GNA12: variants seen among roughly 807,000 people sequenced by gnomAD.
GNA12 encodes guanine nucleotide-binding protein subunit alpha-12.
Under a neutral mutation model 26.0 loss-of-function variants are expected in GNA12, and 9 were observed. The observed-to-expected ratio is 0.35, with a 90% CI of 0.21 to 0.60. GNA12 has a LOEUF of 0.60. Among genes scored for constraint, GNA12 ranks in the 20% least tolerant of loss-of-function variants. GNA12 has a pLI of 0.78. For synonymous variants in GNA12, 264 were observed against 219.6 expected, an observed-to-expected ratio of 1.20 and a Z score of -1.79; for missense variants, 405 against 525.8, an observed-to-expected ratio of 0.77 and a Z score of 2.25.
intron 2 of GNA12, among the ~76,000 whole-genome samples, chr7:2,781,412 CTGTGTGTGTGTGTGTGTGTGTG>C (rs58348546): frequency 2.8e-5 from 4 of 143,722 alleles, no homozygotes; most frequent in African/African-American, 5.1e-5. Flanking sequence ...AAGTAAGTGT[CTGTGTGTGTGTGTGTGTGTGTG>C]TGTGTGTGTG....
chr7:2,814,957 C>G (rs780192085), intron 1 of GNA12: 1 of 1,568,084 alleles, frequency 6.4e-7, no homozygotes, highest in East Asian at 2.4e-5. Context: ...ACAGTAGGCG[C>G]TCTGCACTCG....
chr7:2,814,066 T>A (rs1272665695), intron 1 of GNA12, among the ~76,000 whole-genome samples: 2 of 152,158 alleles, frequency 1.3e-5, no homozygotes, highest in Admixed American at 6.5e-5. Context: ...ATGTCCACCA[T>A]CGGCTGCCCA....
chr7:2,767,697 C>T lies in GNA12; in HGVS notation c.525+27231G>A, dbSNP rs1791841530. 5.9e-5 allele frequency among the ~76,000 whole-genome samples: 9 copies of T among 152,222 alleles called. No individual in the cohort carries two copies. In the South Asian group the frequency reaches 1.9e-3, roughly 32 times the overall value. ...CTCCTAACCTTTAAACCCTTAGCAC[C>T]AGATATATTTTGGAATTCAGAAACT... is the stretch of plus-strand genomic sequence containing the variant. On this transcript the variant is annotated intron_variant, in intron 2 of 3. Transcript: ENST00000275364.
intron 2 of GNA12, among the ~76,000 whole-genome samples, chr7:2,782,610 T>C (rs1465228749): frequency 6.6e-6 from 1 of 152,190 alleles, no homozygotes; most frequent in Admixed American, 6.5e-5. Context: ...AAGATTTTCC[T>C]CTTTGTGTTT....
intron 1 of GNA12, among the ~76,000 whole-genome samples, chr7:2,827,590 C>G (rs1306865609): frequency 6.6e-6 from 1 of 152,122 alleles, no homozygotes; most frequent in Non-Finnish European, 1.5e-5. Context: ...ACGCTGAGGA[C>G]AGTGGGGCTG....
At chr7:2,762,949 C>T in intron 2 of GNA12, 1 of 1,374,322 alleles carries the variant, frequency 7.3e-7, no homozygotes. Context: ...CCCGTGGGGC[C>T]CGTGCCAGGG....
At chr7:2,820,695 TC>T (rs1415422912) in intron 1 of GNA12, among the ~76,000 whole-genome samples, 1 of 152,236 alleles carries the variant, frequency 6.6e-6, no homozygotes, top group Non-Finnish European at 1.5e-5. Flanking sequence ...CACCCTGGCC[TC>T]TGCCCTGTAA....
intron 2 of GNA12, among the ~76,000 whole-genome samples, chr7:2,781,731 A>G (rs1792235513): frequency 6.6e-6 from 1 of 152,136 alleles, no homozygotes; most frequent in Admixed American, 6.6e-5. Flanking sequence ...AAAATAAGCT[A>G]CATGAAATTT....
intron 1 of GNA12, chr7:2,815,113 A>C: frequency 3.1e-6 from 3 of 960,866 alleles, no homozygotes; most frequent in Non-Finnish European, 3.0e-6. Context: ...CCTTGCCCGC[A>C]TGAGGCTTCC....
chr7:2,834,888 C>T (rs1228375286), intron 1 of GNA12, among the ~76,000 whole-genome samples: 1 of 152,112 alleles, frequency 6.6e-6, no homozygotes, highest in African/African-American at 2.4e-5. Flanking sequence ...AGGATGTTTG[C>T]GTAAGAACCT....
At chr7:2,803,821 C>CA (rs1265457454) in intron 1 of GNA12, among the ~76,000 whole-genome samples, 1 of 150,372 alleles carries the variant, frequency 6.7e-6, no homozygotes, top group South Asian at 2.1e-4. Context: ...AACAAACAAA[C>CA]AAAAAAACAA....
chr7:2,777,775 T>C lies in GNA12; in HGVS notation c.525+17153A>G, dbSNP rs189326785. 2.8e-3 allele frequency among the ~76,000 whole-genome samples: 433 copies of C among 152,340 alleles called. 2 individuals carry two copies. Among genetic ancestry groups the C allele is most frequent in the Non-Finnish European group, 3.8e-3 (257 of 68,030 alleles). On this transcript the variant is annotated intron_variant, in intron 2 of 3. Coordinates refer to ENST00000275364, the MANE Select transcript of GNA12 (RefSeq NM_007353.3). Reference sequence around the variant, plus strand: ...AGCCACACAGTGTGTGGAACTGTTATGGCAGCTCCAGCTAAGACAGAAAAC... The same window carrying C: ...AGCCACACAGTGTGTGGAACTGTTACGGCAGCTCCAGCTAAGACAGAAAAC...
intron 1 of GNA12, among the ~76,000 whole-genome samples, chr7:2,832,855 G>A (rs923126018): frequency 1.3e-5 from 2 of 152,146 alleles, no homozygotes; most frequent in African/African-American, 4.8e-5. Context: ...CTGCTTGCAA[G>A]AGCTCCCACC....
intron 2 of GNA12, among the ~76,000 whole-genome samples, chr7:2,764,093 C>G (rs894915639): frequency 6.6e-6 from 1 of 152,090 alleles, no homozygotes; most frequent in Non-Finnish European, 1.5e-5. Flanking sequence ...GGTTTTGAGA[C>G]AGGGTCTCAC....
chr7:2,744,373 T>C (rs1790663807), intron 2 of GNA12, among the ~76,000 whole-genome samples: 1 of 152,200 alleles, frequency 6.6e-6, no homozygotes, highest in African/African-American at 2.4e-5. Context: ...ATATCCGCTG[T>C]TCTGCAGCCA....
rs185766553 is a variant in GNA12 at position 2,742,147 on chromosome 7, G to A, written c.526-8646C>T. On this transcript the variant is annotated intron_variant, in intron 2 of 3. Coordinates refer to ENST00000275364, the MANE Select transcript of GNA12 (RefSeq NM_007353.3). Reference sequence around the variant, plus strand: ...AGAGATTCTCCTGCCTCAGCCACCCGAGTAGCTGGGATTACAGAGGTGCAC... The same window carrying A: ...AGAGATTCTCCTGCCTCAGCCACCCAAGTAGCTGGGATTACAGAGGTGCAC... Among the ~76,000 whole-genome samples, 42 of 151,862 alleles carry A rather than the reference G, an allele frequency of 2.8e-4. No individual in the cohort carries two copies. In the East Asian group the frequency reaches 6.6e-3, roughly 24 times the overall value.
chr7:2,776,440 G>A (rs1004443336), intron 2 of GNA12, among the ~76,000 whole-genome samples: 3 of 152,202 alleles, frequency 2.0e-5, no homozygotes, highest in African/African-American at 7.2e-5. Context: ...CATCCTCCTC[G>A]GAGTGAGTCT....
At chr7:2,746,996 A>C (rs1407061767) in intron 2 of GNA12, among the ~76,000 whole-genome samples, 2 of 152,234 alleles carry the variant, frequency 1.3e-5, no homozygotes, top group African/African-American at 4.8e-5. Flanking sequence ...GAATAGACCA[A>C]TAACAGGCTC....
Position 2,737,269 on chromosome 7 carries a change from G to GTTTTTTTTTTTTTTTTTTTTT in GNA12, c.526-3769_526-3768insAAAAAAAAAAAAAAAAAAAAA, listed in dbSNP as rs1317020597. Among the ~76,000 whole-genome samples the GTTTTTTTTTTTTTTTTTTTTT allele has an allele frequency of 1.0e-4, 4 of 38,120 alleles. 1 individual carries two copies. The highest frequency in any genetic ancestry group is 1.9e-4 in the African/African-American group (2 of 10,700). The allele number at this position is 38,120 out of a possible 152,430, so 25.0% of individuals were successfully genotyped here. Reference sequence around the variant, plus strand: ...CATTCAGGAGCTATCTCACAGTTTTGTTTTGTTTTTTTTTTTTTTGTTTTT... The same window carrying GTTTTTTTTTTTTTTTTTTTTT: ...CATTCAGGAGCTATCTCACAGTTTTGTTTTTTTTTTTTTTTTTTTTTTTTTGTTTTTTTTTTTTTTGTTTTT... On this transcript the variant is annotated intron_variant, in intron 2 of 3. Coordinates refer to ENST00000275364, the MANE Select transcript of GNA12 (RefSeq NM_007353.3).
Sources: gnomAD v4.1 joint callset for allele counts (sites outside exome capture counted in the v4.1 genomes callset) on GRCh38, gnomAD v4.1.1 for gene constraint, MANE v1.5 for transcripts, NCBI Gene and HGNC (gene_info 2026-07-23, HGNC 2026-07-21) for gene names.